The following SLC35F4 variants were observed in gnomAD, a reference collection of about 807,000 sequenced individuals.
The protein encoded by SLC35F4 is solute carrier family 35 member F4.
In SLC35F4, 24 loss-of-function variants were observed where a neutral mutation model predicts 44.2. The ratio of observed to expected loss-of-function variants is 0.54; its 90% CI spans 0.39 to 0.76. The LOEUF is 0.76. Ranked by LOEUF, SLC35F4 falls within the 30% of genes least tolerant of loss-of-function variation. The pLI is 0.00. For missense variants in SLC35F4, 562 were observed against 586.1 expected, an observed-to-expected ratio of 0.96 and a Z score of 0.42; for synonymous variants, 238 against 223.6, an observed-to-expected ratio of 1.06 and a Z score of -0.57.
At chr14:57,905,208 G>A (rs1194392541) in intron 1 of SLC35F4, among the ~76,000 whole-genome samples, 1 of 152,292 alleles carries the variant, frequency 6.6e-6, no homozygotes, top group East Asian at 1.9e-4. Flanking sequence ...GTTGGTGCTG[G>A]CTGTCGGCAG....
intron 1 of SLC35F4, among the ~76,000 whole-genome samples, chr14:57,966,247 C>CA (rs1477574115): frequency 3.3e-5 from 5 of 152,122 alleles, no homozygotes; most frequent in Admixed American, 6.5e-5. Context: ...GATTCTCAGA[C>CA]AAAAAATATT....
chr14:57,823,470 A>G (rs1374975766), intron 1 of SLC35F4, among the ~76,000 whole-genome samples: 1 of 152,236 alleles, frequency 6.6e-6, no homozygotes, highest in Admixed American at 6.5e-5. Context: ...GCATATTTGA[A>G]TCACGCTCCA....
At chr14:57,946,596 T>C (rs1447914867) in intron 1 of SLC35F4, among the ~76,000 whole-genome samples, 1 of 147,326 alleles carries the variant, frequency 6.8e-6, no homozygotes, top group Non-Finnish European at 1.5e-5. Flanking sequence ...TGGCTCAGCC[T>C]CCCAAGTAGC....
chr14:57,975,615 A>C (rs1881192844), downstream of SLC35F4, among the ~76,000 whole-genome samples: 1 of 152,238 alleles, frequency 6.6e-6, no homozygotes, highest in Non-Finnish European at 1.5e-5. Context: ...ATGGAAATGT[A>C]GAATGGACAT....
intron 1 of SLC35F4, among the ~76,000 whole-genome samples, chr14:57,826,344 C>A (rs1211873938): frequency 6.6e-6 from 1 of 152,106 alleles, no homozygotes; most frequent in Admixed American, 6.5e-5. Context: ...CTTCCTTACA[C>A]CTTATATAAA....
At chr14:57,796,999 G>A (rs572396554) in intron 1 of SLC35F4, among the ~76,000 whole-genome samples, 2 of 152,332 alleles carry the variant, frequency 1.3e-5, no homozygotes, top group African/African-American at 4.8e-5. Context: ...ATTTGCACAT[G>A]CACAAATCAG....
intron 4 of SLC35F4, among the ~76,000 whole-genome samples, chr14:57,576,474 A>C (rs375066538): frequency 6.6e-6 from 1 of 152,222 alleles, no homozygotes; most frequent in African/African-American, 2.4e-5. Context: ...AATGAGAAAC[A>C]TGCTAATGAT....
chr14:57,772,162 G>A (rs937265484), intron 1 of SLC35F4, among the ~76,000 whole-genome samples: 1 of 152,134 alleles, frequency 6.6e-6, no homozygotes, highest in Non-Finnish European at 1.5e-5. Flanking sequence ...CTTTTTCACT[G>A]TCAGAAAGCA....
intron 1 of SLC35F4, among the ~76,000 whole-genome samples, chr14:57,641,250 T>A (rs897032252): frequency 6.6e-6 from 1 of 152,038 alleles, no homozygotes; most frequent in Non-Finnish European, 1.5e-5. Context: ...AAATAGTGTA[T>A]TTTTTAAATG....
intron 1 of SLC35F4, among the ~76,000 whole-genome samples, chr14:57,785,517 TC>T (rs1214408668): frequency 2.0e-5 from 3 of 152,180 alleles, no homozygotes; most frequent in Non-Finnish European, 4.4e-5. Context: ...AAACCAGCAA[TC>T]CCGAGAGGAC....
intron 3 of SLC35F4, among the ~76,000 whole-genome samples, chr14:57,585,953 T>C (rs900930732): frequency 6.6e-6 from 1 of 152,202 alleles, no homozygotes; most frequent in Non-Finnish European, 1.5e-5. Flanking sequence ...ATTGACTTTC[T>C]TCTACAGAAT....
intron 1 of SLC35F4, among the ~76,000 whole-genome samples, chr14:57,914,982 G>A (rs1347683173): frequency 6.6e-6 from 1 of 152,150 alleles, no homozygotes; most frequent in African/African-American, 2.4e-5. Context: ...CAGGTGGTCT[G>A]TAGCATCCTT....
At chr14:57,875,581 T>C (rs1487501693) in intron 1 of SLC35F4, among the ~76,000 whole-genome samples, 3 of 152,186 alleles carry the variant, frequency 2.0e-5, no homozygotes, top group African/African-American at 7.2e-5. Flanking sequence ...TTCACACGTC[T>C]AGTGGATGGG....
chr14:57,674,334 A>C (rs999060456), intron 1 of SLC35F4, among the ~76,000 whole-genome samples: 1 of 152,138 alleles, frequency 6.6e-6, no homozygotes, highest in Non-Finnish European at 1.5e-5. Flanking sequence ...ACATAGGCCT[A>C]ACCTGTGACC....
intron 1 of SLC35F4, among the ~76,000 whole-genome samples, chr14:57,886,617 C>G (rs1888652223): frequency 6.6e-6 from 1 of 152,028 alleles, no homozygotes; most frequent in Admixed American, 6.6e-5. Flanking sequence ...TAAAGGAGTT[C>G]CCCTGAAGAA....
intron 2 of SLC35F4, among the ~76,000 whole-genome samples, chr14:57,590,119 G>A (rs571624394): frequency 3.5e-4 from 51 of 145,110 alleles, no homozygotes; most frequent in Non-Finnish European, 6.0e-4. Context: ...GCCTGGTGCT[G>A]TGACTCAGGC....
chr14:57,893,426 G>A (rs1192761100), intron 1 of SLC35F4, among the ~76,000 whole-genome samples: 1 of 152,102 alleles, frequency 6.6e-6, no homozygotes, highest in Non-Finnish European at 1.5e-5. Flanking sequence ...GGTTTAGAGA[G>A]GCTAAGAATC....
At chr14:57,933,703 G>A (rs1290595116) in intron 1 of SLC35F4, among the ~76,000 whole-genome samples, 1 of 152,066 alleles carries the variant, frequency 6.6e-6, no homozygotes, top group Non-Finnish European at 1.5e-5. Flanking sequence ...CACAAATATT[G>A]ACAAAATGAA....
intron 1 of SLC35F4, among the ~76,000 whole-genome samples, chr14:57,620,511 G>T (rs549032071): frequency 6.6e-6 from 1 of 152,234 alleles, no homozygotes; most frequent in Non-Finnish European, 1.5e-5. Context: ...GTCACCACCA[G>T]GCCTGCCTTA....
Sources: allele counts gnomAD v4.1 joint callset (sites outside exome capture counted in the v4.1 genomes callset), GRCh38; gene constraint gnomAD v4.1.1; transcripts MANE v1.5; gene names NCBI Gene and HGNC (gene_info 2026-07-23, HGNC 2026-07-21).